The following EPS15 variants were observed in gnomAD, a reference collection of about 807,000 sequenced individuals.
The protein encoded by EPS15 is epidermal growth factor receptor substrate 15.
In EPS15, 72 loss-of-function variants were observed where a neutral mutation model predicts 113.8. That is an observed-to-expected ratio of 0.63 (90% CI 0.52 to 0.77). The LOEUF is 0.77. Ranked by LOEUF, EPS15 falls within the 30% of genes least tolerant of loss-of-function variation. The pLI, the probability that EPS15 is intolerant of heterozygous loss-of-function variation, is 0.00. For synonymous variants in EPS15, 344 were observed against 363.4 expected (o/e 0.95, Z 0.61); for missense variants, 1,048 against 1,045.8 (o/e 1.00, Z -0.03).
At chr1:51,459,491 GTCTCAAAAATAAAAATAATAAAA>G (rs1204170731) in intron 8 of EPS15, among the ~76,000 whole-genome samples, 2 of 151,916 alleles carry the variant, frequency 1.3e-5, no homozygotes, top group Non-Finnish European at 2.9e-5. Context: ...GCAAGACTCT[GTCTCAAAAATAAAAATAATAAAA>G]TAAAATAAAA....
intron 11 of EPS15, 118 bp downstream of exon 11, chr1:51,444,771 G>A: frequency 9.8e-7 from 1 of 1,018,250 alleles, no homozygotes; most frequent in Non-Finnish European, 1.5e-6. Flanking sequence ...ACAGTATACT[G>A]TTCTGCTCTT....
intron 11 of EPS15, among the ~76,000 whole-genome samples, chr1:51,441,850 C>G (rs1440797950): frequency 6.6e-6 from 1 of 152,068 alleles, no homozygotes; most frequent in African/African-American, 2.4e-5. Context: ...ACGCAATGCC[C>G]CCAGTGGCAC....
intron 1 of EPS15, among the ~76,000 whole-genome samples, chr1:51,506,169 C>T (rs965125151): frequency 8.5e-5 from 13 of 152,146 alleles, no homozygotes; most frequent in Non-Finnish European, 1.6e-4. Flanking sequence ...TTACAGGCGT[C>T]AGCCACCGTG....
intron 8 of EPS15, among the ~76,000 whole-genome samples, chr1:51,448,767 T>G (rs954787149): frequency 2.0e-5 from 3 of 152,172 alleles, no homozygotes; most frequent in African/African-American, 7.2e-5. Context: ...AGGATTATTT[T>G]GAACTGAAAG....
chr1:51,377,186 C>T (rs1293758737), intron 21 of EPS15, among the ~76,000 whole-genome samples: 2 of 152,170 alleles, frequency 1.3e-5, no homozygotes, highest in Non-Finnish European at 2.9e-5. Context: ...ATCATTTGAA[C>T]CCAAGAGGCG....
chr1:51,372,570 G>T, intron 21 of EPS15: 5 of 525,046 alleles, frequency 9.5e-6, no homozygotes, highest in South Asian at 6.9e-5. Flanking sequence ...CTACACAAGA[G>T]TAACATTGCC....
In EPS15 at chr1:51,445,029, T is replaced by C. The variant is rs1478962451; in HGVS notation, c.814A>G (p.Lys272Glu). Residue 272 changes from lysine (K) to glutamate (E), a missense_variant, in exon 11 of 25, where the codon AAG becomes GAG. By Grantham distance (56) the Lys-to-Glu change is moderately conservative (BLOSUM62 1). Coordinates refer to ENST00000371733, the MANE Select transcript of EPS15 (RefSeq NM_001981.3). The part of the protein sequence containing the change: ...LAHIWSLCDT[K>E]DCGKLSKDQF... ...TCCTTTGAAAGCTTCCCACAGTCCT[T>C]TGTGTCGCATAATGACCTGCACAAA... is the stretch of plus-strand genomic sequence containing the variant. 3 of 1,613,652 alleles carry C rather than the reference T, an allele frequency of 1.9e-6. No homozygotes were observed. The highest frequency in any genetic ancestry group is 1.7e-6 in the Non-Finnish European group (2 of 1,179,744).
chr1:51,485,945 C>CGAGATGGCACCATTGT (rs1557515573), intron 1 of EPS15, among the ~76,000 whole-genome samples: 1 of 151,724 alleles, frequency 6.6e-6, no homozygotes, highest in Non-Finnish European at 1.5e-5. Flanking sequence ...TTACAGGTGC[C>CGAGATGGCACCATTGT]CGCCACCACA....
intron 1 of EPS15, among the ~76,000 whole-genome samples, chr1:51,510,401 A>C (rs535663220): frequency 4.6e-5 from 7 of 152,368 alleles, no homozygotes; most frequent in Admixed American, 3.3e-4. Flanking sequence ...ACCGTGAGCA[A>C]GTAATACAGA....
At chr1:51,489,357 C>G (rs1399507392) in intron 1 of EPS15, among the ~76,000 whole-genome samples, 1 of 148,644 alleles carries the variant, frequency 6.7e-6, no homozygotes, top group African/African-American at 2.5e-5. Context: ...CGTCTCCCTC[C>G]GTCACCCAGG....
At chr1:51,442,386 A>C (rs867884729) in intron 11 of EPS15, among the ~76,000 whole-genome samples, 3 of 152,172 alleles carry the variant, frequency 2.0e-5, no homozygotes, top group African/African-American at 7.2e-5. Flanking sequence ...AACTCAAAAA[A>C]AGGTGACTCA....
At chr1:51,454,588 A>G (rs1221708555) in intron 8 of EPS15, among the ~76,000 whole-genome samples, 1 of 152,200 alleles carries the variant, frequency 6.6e-6, no homozygotes, top group Non-Finnish European at 1.5e-5. Flanking sequence ...GACAAACCTA[A>G]GTTGGGAGAC....
At chr1:51,487,671 G>C (rs1162009669) in intron 1 of EPS15, among the ~76,000 whole-genome samples, 3 of 152,108 alleles carry the variant, frequency 2.0e-5, no homozygotes, top group African/African-American at 7.2e-5. Context: ...AAGAAATCCT[G>C]ATCTCCAACC....
At chr1:51,410,210 A>G (rs1009437648) in intron 13 of EPS15, among the ~76,000 whole-genome samples, 3 of 151,674 alleles carry the variant, frequency 2.0e-5, no homozygotes, top group African/African-American at 7.3e-5. Flanking sequence ...CCTGGGCAAC[A>G]AGAGTGAAAC....
At chr1:51,367,549 T>C (rs1365137710) in intron 21 of EPS15, among the ~76,000 whole-genome samples, 1 of 152,034 alleles carries the variant, frequency 6.6e-6, no homozygotes, top group Non-Finnish European at 1.5e-5. Flanking sequence ...CGTGTCTGTC[T>C]CCAACAAACA....
intron 21 of EPS15, among the ~76,000 whole-genome samples, chr1:51,369,278 C>T (rs1433586144): frequency 6.6e-6 from 1 of 152,200 alleles, no homozygotes; most frequent in African/African-American, 2.4e-5. Context: ...ATAACTTTCT[C>T]AGATACTGAT....
chr1:51,459,322 C>A (rs1320867146), intron 8 of EPS15, among the ~76,000 whole-genome samples: 1 of 152,028 alleles, frequency 6.6e-6, no homozygotes, highest in Non-Finnish European at 1.5e-5. Flanking sequence ...CATGGTGAAA[C>A]CCTGTCTCTA....
intron 23 of EPS15, among the ~76,000 whole-genome samples, chr1:51,361,992 A>T (rs114841844): frequency 1.1e-3 from 166 of 152,328 alleles, no homozygotes; most frequent in African/African-American, 3.8e-3. Flanking sequence ...CTGACCAAAC[A>T]ATAGTATTCT....
intron 23 of EPS15, among the ~76,000 whole-genome samples, chr1:51,363,407 A>G (rs969242945): frequency 1.3e-5 from 2 of 152,124 alleles, no homozygotes; most frequent in Admixed American, 1.3e-4. Context: ...TCTGGATACT[A>G]AAGAGGCCAT....
Sources: allele counts gnomAD v4.1 joint callset (sites outside exome capture counted in the v4.1 genomes callset), GRCh38; gene constraint gnomAD v4.1.1; transcripts MANE v1.5; gene names NCBI Gene and HGNC (gene_info 2026-07-23, HGNC 2026-07-21).